Variants in DNAH8 observed in about 807,000 individuals in gnomAD.
DNAH8 encodes the protein dynein axonemal heavy chain 8.
Under a neutral mutation model 562.1 loss-of-function variants are expected in DNAH8, and 382 were observed. The observed-to-expected ratio is 0.68, with a 90% confidence interval of 0.63 to 0.74. DNAH8 has a LOEUF of 0.74. Among genes scored for constraint, DNAH8 ranks in the 30% least tolerant of loss-of-function variants. The pLI is 0.00. For missense variants in DNAH8, 5,203 were observed against 5,620.4 expected (o/e 0.93, Z 2.37); for synonymous variants, 1,881 against 1,919.4 (o/e 0.98, Z 0.52).
Position 38,729,905 on chromosome 6 carries a change from G to T in DNAH8, c.529G>T (p.Glu177Ter). The T allele has an allele frequency of 6.5e-7, 1 of 1,542,518 alleles. No individual in the cohort carries two copies. ...EELILDCPSL[E>*]AFTNFFAKDG... Reference sequence around the variant, plus strand: ...CATTTTCTCTTTTATTTAACAGCTGGAAGCATTTACTAATTTTTTTGCGAA... The same window carrying T: ...CATTTTCTCTTTTATTTAACAGCTGTAAGCATTTACTAATTTTTTTGCGAA... The change falls in exon 4 of 93, where the codon GAA becomes TAA. Residue 177 changes from glutamate to a stop codon, truncating the protein, a stop_gained. Transcript: ENST00000327475. LOFTEE classifies it high-confidence loss of function.
At chr6:38,952,977 T>TG (rs1240322287) in intron 82 of DNAH8, 1 of 152,198 alleles carries the variant, frequency 6.6e-6, no homozygotes, top group East Asian at 1.9e-4. Flanking sequence ...GCTCTATGAG[T>TG]GTTTATCCAG....
At position 38,814,130 on chromosome 6, in the gene DNAH8, G is replaced by A. The variant is rs756616538; in HGVS notation, c.3333+1G>A. On this transcript the variant is annotated splice_donor_variant, in intron 25 of 92. Coordinates refer to ENST00000327475, the MANE Select transcript of DNAH8 (RefSeq NM_001206927.2). LOFTEE classifies it high-confidence loss of function. Reference sequence around the variant, plus strand: ...AGTACATCTTGCAATTCCTAATGTGGTAAGTATTATTAAATACACTGATAA... The same window carrying A: ...AGTACATCTTGCAATTCCTAATGTGATAAGTATTATTAAATACACTGATAA... The A allele has an allele frequency of 4.1e-6, 6 of 1,455,336 alleles. No individual in the cohort carries two copies. The highest frequency in any genetic ancestry group is 4.8e-6 in the Non-Finnish European group (5 of 1,038,088). The allele number at this position is 1,455,336 out of a possible 1,614,324, so 90.2% of individuals were successfully genotyped here.
At chr6:38,874,704 G>T (rs187017007) in intron 52 of DNAH8, among the ~76,000 whole-genome samples, 171 of 152,100 alleles carry the variant, frequency 1.1e-3, no homozygotes, top group African/African-American at 4.0e-3. Flanking sequence ...TTCCTTATTA[G>T]TCTTTGAGTT....
chr6:38,900,042 T>C, intron 62 of DNAH8, 136 bp downstream of exon 62: 16 of 713,822 alleles, frequency 2.2e-5, no homozygotes, highest in Non-Finnish European at 3.3e-5. Context: ...TATAAGGATA[T>C]TTACGCAAGT....
At chr6:38,879,516 A>G (rs72852761) in intron 53 of DNAH8, among the ~76,000 whole-genome samples, 18,609 of 152,260 alleles carry the variant, frequency 0.12, 1,388 homozygotes, top group Admixed American at 0.21. Context: ...GAAGAAAAGC[A>G]TTTGGCAAAA....
chr6:38,916,324 G>C (rs891396140), intron 68 of DNAH8, among the ~76,000 whole-genome samples: 15 of 152,144 alleles, frequency 9.9e-5, no homozygotes, highest in African/African-American at 3.4e-4. Flanking sequence ...TGCCTAATTA[G>C]AGTCATTCTT....
chr6:38,800,053 A>T (rs1770637152), intron 21 of DNAH8, among the ~76,000 whole-genome samples: 1 of 152,202 alleles, frequency 6.6e-6, no homozygotes, highest in African/African-American at 2.4e-5. Flanking sequence ...GGCTCAAGCG[A>T]TTCCCCTGTC....
At chr6:39,014,597 G>A (rs1210490491) in intron 91 of DNAH8, among the ~76,000 whole-genome samples, 2 of 152,172 alleles carry the variant, frequency 1.3e-5, no homozygotes, top group Non-Finnish European at 2.9e-5. Context: ...AAGTGCCATG[G>A]TAGCCCAGAG....
chr6:38,728,251 AG>A (rs1763384998), intron 3 of DNAH8, among the ~76,000 whole-genome samples: 2 of 150,132 alleles, frequency 1.3e-5, no homozygotes, highest in African/African-American at 4.8e-5. Flanking sequence ...TACAGAGGTG[AG>A]CCACCGAGCC....
chr6:38,884,411 A>C (rs922361248), intron 56 of DNAH8, among the ~76,000 whole-genome samples: 1 of 152,152 alleles, frequency 6.6e-6, no homozygotes, highest in Non-Finnish European at 1.5e-5. Flanking sequence ...TCCCTTCCTC[A>C]GCCACCTGAG....
At position 38,805,494 on chromosome 6, in the gene DNAH8, CGTT is replaced by C. The variant is rs775487685; in HGVS notation, c.3052_3054del (p.Val1018del). The C allele has an allele frequency of 3.7e-6, 6 of 1,605,358 alleles. No homozygotes were observed. Among genetic ancestry groups the C allele is most frequent in the African/African-American group, 1.3e-5 (1 of 74,752 alleles). On this transcript the variant is annotated inframe_deletion, in exon 23 of 93. Coordinates refer to ENST00000327475, the MANE Select transcript of DNAH8 (RefSeq NM_001206927.2). ...TTTTGTCTATAGAACAGCGGAAACA[CGTT>C]GTTTTTGGAAGTGAAACAGGAGAGG...
At position 39,015,802 on chromosome 6, in the gene DNAH8, A is replaced by C. The variant is rs16891425; in HGVS notation, c.13714+3165A>C. ...TTTTCTTCAGTTCTGCTTTCAAGTT[A>C]GACTTTGATTCTTTCTCTCAGGTCT... On this transcript the variant is annotated intron_variant, in intron 91 of 92. Coordinates refer to ENST00000327475, the MANE Select transcript of DNAH8 (RefSeq NM_001206927.2). Among the ~76,000 whole-genome samples, 1,693 of 152,276 alleles carry C rather than the reference A, an allele frequency of 0.011. 110 individuals are homozygous for C. The East Asian group carries it at 0.16, about 14-fold the overall frequency.
At chr6:38,847,879 AC>A (rs1775422913) in intron 36 of DNAH8, among the ~76,000 whole-genome samples, 1 of 152,156 alleles carries the variant, frequency 6.6e-6, no homozygotes, top group Admixed American at 6.5e-5. Context: ...AGCTTTCTGG[AC>A]CCCTTGTATT....
At chr6:38,930,154 T>C (rs1251436062) in intron 75 of DNAH8, among the ~76,000 whole-genome samples, 2 of 152,204 alleles carry the variant, frequency 1.3e-5, no homozygotes, top group African/African-American at 4.8e-5. Flanking sequence ...AAAGTCATTT[T>C]AATAAACACA....
chr6:38,846,163 C>T (rs867870245), intron 36 of DNAH8, among the ~76,000 whole-genome samples: 1 of 152,170 alleles, frequency 6.6e-6, no homozygotes, highest in Non-Finnish European at 1.5e-5. Context: ...GAAAAGCCTG[C>T]TGGCCACCCG....
intron 86 of DNAH8, 23 bp from the exon 87 acceptor site, chr6:38,984,183 A>G: frequency 7.2e-7 from 1 of 1,380,826 alleles, no homozygotes; most frequent in African/African-American, 1.4e-5. Context: ...ACAATTAATA[A>G]TCCTTTTTTA....
intron 53 of DNAH8, among the ~76,000 whole-genome samples, chr6:38,880,684 G>A (rs758403356): frequency 6.6e-6 from 1 of 152,158 alleles, no homozygotes; most frequent in Non-Finnish European, 1.5e-5. Flanking sequence ...GGTGAAAAAA[G>A]CATGTGAAAG....
At chr6:38,832,117 A>G (rs1270360941) in intron 30 of DNAH8, among the ~76,000 whole-genome samples, 2 of 152,148 alleles carry the variant, frequency 1.3e-5, no homozygotes, top group African/African-American at 4.8e-5. Context: ...TTACAGAGAA[A>G]TTGGCTTTGC....
At chr6:38,814,191 TGAGC>T in intron 25 of DNAH8, 62 bp downstream of exon 25, 1 of 942,014 alleles carries the variant, frequency 1.1e-6, no homozygotes, top group Non-Finnish European at 1.6e-6. Context: ...GTACTAGAAC[TGAGC>T]TTTCATTTAG....
Sources: allele counts gnomAD v4.1 joint callset (sites outside exome capture counted in the v4.1 genomes callset), GRCh38; gene constraint gnomAD v4.1.1; transcripts MANE v1.5; gene names NCBI Gene and HGNC (gene_info 2026-07-23, HGNC 2026-07-21).